Variants in STAB2 observed in about 807,000 individuals in gnomAD.
STAB2 encodes the protein stabilin-2.
A neutral mutation model predicts 338.1 loss-of-function variants in STAB2; 288 were observed. The ratio of observed to expected loss-of-function variants is 0.85; its 90% CI spans 0.77 to 0.94. STAB2 has a LOEUF of 0.94. STAB2 is among the 40% of genes least tolerant of loss of function. The pLI is 0.00. For synonymous variants in STAB2, 1,202 were observed against 1,193.3 expected (o/e 1.01, Z -0.15); for missense variants, 3,141 against 3,210.1 (o/e 0.98, Z 0.52).
intron 1 of STAB2, among the ~76,000 whole-genome samples, chr12:103,589,640 C>T (rs997809482): frequency 6.6e-6 from 1 of 152,122 alleles, no homozygotes; most frequent in African/African-American, 2.4e-5. Context: ...GGGCCAGCCA[C>T]AGGAAGAGTA....
intron 18 of STAB2, among the ~76,000 whole-genome samples, 171 bp downstream of exon 18, chr12:103,663,169 A>C (rs371022853): frequency 8.5e-5 from 13 of 152,226 alleles, no homozygotes; most frequent in African/African-American, 2.9e-4. Context: ...GTCCCACCTC[A>C]TAAACTGTGA....
At chr12:103,598,825 C>T (rs1000105120) in intron 3 of STAB2, among the ~76,000 whole-genome samples, 4 of 152,148 alleles carry the variant, frequency 2.6e-5, no homozygotes, top group East Asian at 1.9e-4. Flanking sequence ...CTATATGCTG[C>T]GTACAATCAG....
chr12:103,648,101 T>G (rs1458013120), intron 9 of STAB2, among the ~76,000 whole-genome samples: 2 of 152,176 alleles, frequency 1.3e-5, no homozygotes, highest in Non-Finnish European at 2.9e-5. Context: ...AGGGTGAAAT[T>G]GCACTATGAT....
chr12:103,663,899 C>T (rs1401068173), intron 18 of STAB2, among the ~76,000 whole-genome samples: 1 of 152,208 alleles, frequency 6.6e-6, no homozygotes, highest in East Asian at 1.9e-4. Context: ...CCTCTTCCTT[C>T]CCCTGTCCCT....
chr12:103,596,377 G>A (rs1445361579), intron 3 of STAB2, among the ~76,000 whole-genome samples: 2 of 152,190 alleles, frequency 1.3e-5, no homozygotes, highest in African/African-American at 2.4e-5. Flanking sequence ...AGCCAGGAGG[G>A]CAAAAGAACA....
intron 56 of STAB2, among the ~76,000 whole-genome samples, chr12:103,744,932 C>T (rs996778611): frequency 6.6e-6 from 1 of 152,152 alleles, no homozygotes; most frequent in African/African-American, 2.4e-5. Flanking sequence ...AGACTGTAAG[C>T]CCCATGAGAA....
chr12:103,626,993 G>A (rs1488318910), intron 5 of STAB2, among the ~76,000 whole-genome samples: 1 of 152,214 alleles, frequency 6.6e-6, no homozygotes, highest in Non-Finnish European at 1.5e-5. Flanking sequence ...CTGTTAAGAA[G>A]AGTCACTAGT....
chr12:103,615,372 G>A (rs1306767982), intron 3 of STAB2, among the ~76,000 whole-genome samples: 1 of 152,146 alleles, frequency 6.6e-6, no homozygotes, highest in African/African-American at 2.4e-5. Flanking sequence ...GGATGGAAAA[G>A]CTTTAGACTA....
intron 23 of STAB2, among the ~76,000 whole-genome samples, chr12:103,674,648 A>G (rs956578402): frequency 5.9e-5 from 9 of 152,180 alleles, no homozygotes; most frequent in African/African-American, 2.2e-4. Flanking sequence ...ACTGTCTAGC[A>G]TTCTGCAGTG....
intron 55 of STAB2, among the ~76,000 whole-genome samples, 171 bp from the exon 56 acceptor site, chr12:103,742,234 C>A (rs1882641144): frequency 6.6e-6 from 1 of 152,168 alleles, no homozygotes; most frequent in South Asian, 2.1e-4. Context: ...ATATCAGATA[C>A]CATAAAGTTC....
Position 103,590,929 on chromosome 12 carries a change from A to T in STAB2, c.114A>T (p.Thr38=), listed in dbSNP as rs1011351256. Residue 38 remains threonine (T), a synonymous_variant, in exon 2 of 69, where the codon ACA becomes ACT. Coordinates refer to ENST00000388887, the MANE Select transcript of STAB2 (RefSeq NM_017564.10). ...ARRCDRKSLL[T]IRTECRSCAL... ...GATGTGATAGGAAGTCTCTTCTTACAATTAGGACCGAGTGCCGATCCTGCG... is the reference window on the plus strand; with the variant it reads ...GATGTGATAGGAAGTCTCTTCTTACTATTAGGACCGAGTGCCGATCCTGCG... 4 of 1,613,988 alleles carry T rather than the reference A, an allele frequency of 2.5e-6. No individual in the cohort carries two copies. The highest frequency in any genetic ancestry group is 1.7e-5 in the Admixed American group (1 of 60,002).
At chr12:103,622,008 G>C in intron 4 of STAB2, 34 bp from the exon 5 acceptor site, 1 of 1,611,594 alleles carries the variant, frequency 6.2e-7, no homozygotes, top group African/African-American at 1.3e-5. Context: ...GGGTCACCTT[G>C]GGTCTAATGT....
At chr12:103,620,869 G>A (rs918509067) in intron 4 of STAB2, among the ~76,000 whole-genome samples, 2 of 152,136 alleles carry the variant, frequency 1.3e-5, no homozygotes, top group African/African-American at 4.8e-5. Flanking sequence ...AGGCCGAGTG[G>A]GGGAGGATCA....
At chr12:103,615,681 A>G (rs1475474894) in intron 3 of STAB2, among the ~76,000 whole-genome samples, 1 of 152,204 alleles carries the variant, frequency 6.6e-6, no homozygotes. Flanking sequence ...TAAAGGAAAG[A>G]GGTTTAATTG....
intron 27 of STAB2, among the ~76,000 whole-genome samples, chr12:103,687,641 T>C (rs1389959440): frequency 6.6e-6 from 1 of 152,198 alleles, no homozygotes; most frequent in Non-Finnish European, 1.5e-5. Flanking sequence ...ATTTCTCTTA[T>C]CAAACTGTGA....
At chr12:103,608,058 G>A (rs963804246) in intron 3 of STAB2, among the ~76,000 whole-genome samples, 16 of 152,152 alleles carry the variant, frequency 1.1e-4, no homozygotes, top group African/African-American at 3.9e-4. Flanking sequence ...GTTGTTTCCT[G>A]ACTTTTTAAT....
At chr12:103,645,926 A>G (rs1054401951) in intron 9 of STAB2, among the ~76,000 whole-genome samples, 6 of 152,142 alleles carry the variant, frequency 3.9e-5, no homozygotes, top group African/African-American at 1.4e-4. Flanking sequence ...TTGAGAGCCA[A>G]TTCTTCATAA....
At chr12:103,592,245 C>A (rs542003700) in intron 2 of STAB2, 7 of 147,792 alleles carry the variant, frequency 4.7e-5, no homozygotes, top group Admixed American at 2.0e-4. Flanking sequence ...GCTTCTGATT[C>A]TTTCTGAAAA....
chr12:103,706,911 T>A lies in STAB2; in HGVS notation c.4116T>A (p.Cys1372Ter), dbSNP rs144740641. The A allele has an allele frequency of 9.3e-6, 15 of 1,614,020 alleles. No homozygotes were observed. The highest frequency in any genetic ancestry group is 1.6e-4 in the Middle Eastern group (1 of 6,084). Residue 1372 changes from cysteine to a stop codon, truncating the protein, a stop_gained, in exon 38 of 69, where the codon TGT becomes TGA. Transcript: ENST00000388887. LOFTEE classifies it high-confidence loss of function. ...CLDGVNGTGV[C>*]ECGEGFSGTA... Reference sequence around the variant, plus strand: ...ATGGAGTGAATGGCACAGGTGTGTGTGAGTGTGGGGAGGGCTTCAGCGGCA... The same window carrying A: ...ATGGAGTGAATGGCACAGGTGTGTGAGAGTGTGGGGAGGGCTTCAGCGGCA...
Sources: allele counts gnomAD v4.1 joint callset (sites outside exome capture counted in the v4.1 genomes callset), GRCh38; gene constraint gnomAD v4.1.1; transcripts MANE v1.5; gene names NCBI Gene and HGNC (gene_info 2026-07-23, HGNC 2026-07-21).